BUB1B: variants seen among roughly 807,000 people sequenced by gnomAD.
BUB1B encodes mitotic checkpoint serine/threonine-protein kinase BUB1 beta.
Under a neutral mutation model 137.7 loss-of-function variants are expected in BUB1B, and 86 were observed. The observed-to-expected ratio is 0.62, with a 90% CI of 0.52 to 0.75. The LOEUF is 0.75. Among genes scored for constraint, BUB1B ranks in the 30% least tolerant of loss-of-function variants. The pLI is 0.00. For missense variants in BUB1B, 1,130 were observed against 1,236.9 expected (o/e 0.91, Z 1.30); for synonymous variants, 420 against 417.9 (o/e 1.00, Z -0.06).
intron 8 of BUB1B, among the ~76,000 whole-genome samples, chr15:40,189,949 G>A (rs11638942): frequency 0.71 from 108,468 of 152,128 alleles, 39,526 homozygotes; most frequent in African/African-American, 0.82. Flanking sequence ...GCATTTTCCT[G>A]GTGACTAATG....
At chr15:40,178,219 C>T (rs56012850) in intron 5 of BUB1B, among the ~76,000 whole-genome samples, 45 of 152,148 alleles carry the variant, frequency 3.0e-4, no homozygotes, top group Non-Finnish European at 4.7e-4. Context: ...AAATTCCCTT[C>T]TAAGCACTGC....
rs559316461 is a variant in BUB1B, at chr15:40,175,777, CT to C, written c.385-695del. ...CTTGATATTCAAGACCTATCACAGCCTTTTTCTCCAGACAACTATCTAGCCT... is the reference window on the plus strand; with the variant it reads ...CTTGATATTCAAGACCTATCACAGCCTTTTCTCCAGACAACTATCTAGCCT... On this transcript the variant is annotated intron_variant, in intron 4 of 22. Transcript: ENST00000287598. Among the ~76,000 whole-genome samples the C allele has an allele frequency of 2.6e-3, 401 of 152,270 alleles. 2 individuals are homozygous for C. The highest frequency in any genetic ancestry group is 9.0e-3 in the African/African-American group (374 of 41,554).
intron 4 of BUB1B, among the ~76,000 whole-genome samples, chr15:40,173,210 A>G (rs377562882): frequency 1.3e-5 from 2 of 150,980 alleles, no homozygotes; most frequent in South Asian, 2.1e-4. Flanking sequence ...GCTTGAACCC[A>G]GGAGACAGAG....
intron 9 of BUB1B, among the ~76,000 whole-genome samples, chr15:40,198,486 G>A (rs1395779783): frequency 6.6e-6 from 1 of 152,056 alleles, no homozygotes; most frequent in African/African-American, 2.4e-5. Context: ...AATAAATGTG[G>A]TTTCTAGTTA....
intron 4 of BUB1B, 143 bp from the exon 5 acceptor site, chr15:40,176,334 C>T: frequency 1.2e-6 from 1 of 802,004 alleles, no homozygotes; most frequent in East Asian, 2.7e-5. Flanking sequence ...TAGGTCCTCC[C>T]AGTATGGTCC....
intron 7 of BUB1B, 61 bp from the exon 8 acceptor site, chr15:40,185,490 C>A: frequency 6.3e-7 from 1 of 1,590,258 alleles, no homozygotes; most frequent in South Asian, 1.1e-5. Context: ...TAGCCATGGT[C>A]TATATATGCT....
rs548075145 is a variant in BUB1B at position 40,180,488 on chromosome 15, A to G, written c.582-3226A>G. ...ATCACATTGGCCAGGCTGGTCTCAA[A>G]CTCCTGACCTCAAATGGTCTGCCCA... On this transcript the variant is annotated intron_variant, in intron 5 of 22. Transcript: ENST00000287598. Among the ~76,000 whole-genome samples, 20 of 146,986 alleles carry G rather than the reference A, an allele frequency of 1.4e-4. No homozygotes were observed. The South Asian group carries it at 4.3e-3, about 32-fold the overall frequency.
chr15:40,185,564 C>T lies in BUB1B; in HGVS notation c.980C>T (p.Thr327Ile). 1.2e-6 allele frequency: 2 copies of T among 1,614,198 alleles called. No homozygotes were observed. The highest frequency in any genetic ancestry group is 1.1e-5 in the South Asian group (1 of 91,082). Residue 327 changes from threonine (T) to isoleucine (I), a missense_variant, in exon 8 of 23, where the codon ACA becomes ATA. Transcript: ENST00000287598. Reference protein sequence around the residue: ...RSLEHRPRGNTASLIAVPAVL... With the variant: ...RSLEHRPRGNIASLIAVPAVL... Reference sequence around the variant, plus strand: ...CTTCATCTCCAGCCTCGTGGCAATACAGCTTCACTGATAGCTGTACCCGCT... The same window carrying T: ...CTTCATCTCCAGCCTCGTGGCAATATAGCTTCACTGATAGCTGTACCCGCT...
intron 22 of BUB1B, 125 bp downstream of exon 22, chr15:40,218,687 C>G (rs1244409707): frequency 2.6e-6 from 2 of 755,132 alleles, no homozygotes; most frequent in African/African-American, 3.5e-5. Context: ...TAGTTTCAGC[C>G]AGTTTTCATT....
chr15:40,189,432 T>C (rs1300143300), intron 8 of BUB1B, among the ~76,000 whole-genome samples: 1 of 152,252 alleles, frequency 6.6e-6, no homozygotes, highest in Non-Finnish European at 1.5e-5. Context: ...ACCGCTGGGA[T>C]TATAGGCGTG....
chr15:40,187,678 G>C (rs981343020), intron 8 of BUB1B, among the ~76,000 whole-genome samples: 1 of 152,118 alleles, frequency 6.6e-6, no homozygotes. Flanking sequence ...GGAGGCTGAG[G>C]TGAAAGGATC....
intron 8 of BUB1B, among the ~76,000 whole-genome samples, chr15:40,187,886 G>T (rs1187392542): frequency 6.6e-6 from 1 of 152,166 alleles, no homozygotes; most frequent in African/African-American, 2.4e-5. Flanking sequence ...TGAGTACAGA[G>T]TGAGACCTTG....
chr15:40,176,639 G>T lies in BUB1B; in HGVS notation c.547G>T (p.Ala183Ser), dbSNP rs1442788795. 1.9e-6 allele frequency: 3 copies of T among 1,614,098 alleles called. 1 individual carries two copies. In the South Asian group the frequency reaches 3.3e-5, roughly 18 times the overall value. Reference sequence around the variant, plus strand: ...ATTTCAGGAAGGGATTCAACAGAAGGCTGAACCACTAGAAAGACTACAGTC... The same window carrying T: ...ATTTCAGGAAGGGATTCAACAGAAGTCTGAACCACTAGAAAGACTACAGTC... ...AIFQEGIQQK[A>S]EPLERLQSQH... The change falls in exon 5 of 23, where the codon GCT (alanine) becomes TCT (serine). Residue 183 changes from alanine to serine, a missense_variant. Ala to Ser is a moderately conservative substitution (Grantham distance 99). Coordinates refer to ENST00000287598, the MANE Select transcript of BUB1B (RefSeq NM_001211.6).
chr15:40,216,863 GGATA>G (rs1032739118), intron 20 of BUB1B, among the ~76,000 whole-genome samples: 52 of 151,614 alleles, frequency 3.4e-4, no homozygotes, highest in African/African-American at 1.2e-3. Flanking sequence ...TTATTGCATA[GGATA>G]GATAAACCCA....
intron 8 of BUB1B, among the ~76,000 whole-genome samples, chr15:40,188,770 C>T (rs1026911949): frequency 6.6e-6 from 1 of 151,662 alleles, no homozygotes; most frequent in African/African-American, 2.4e-5. Flanking sequence ...TTTAGTAGAG[C>T]CATGGTTTCA....
chr15:40,168,080 A>C (rs936086457), intron 2 of BUB1B, among the ~76,000 whole-genome samples: 3 of 152,046 alleles, frequency 2.0e-5, no homozygotes, highest in African/African-American at 7.2e-5. Flanking sequence ...GAAAAAAAAA[A>C]AAAAAGGCTG....
intron 2 of BUB1B, among the ~76,000 whole-genome samples, chr15:40,167,249 T>C (rs1195589770): frequency 1.3e-5 from 2 of 151,306 alleles, no homozygotes; most frequent in Non-Finnish European, 2.9e-5. Flanking sequence ...TCTTTTATGG[T>C]TAGCATTTTT....
rs376467292 is a variant in BUB1B, at chr15:40,220,753, T to C, written c.3147T>C (p.Phe1049=). Residue 1049 remains phenylalanine, a synonymous_variant, in exon 23 of 23, where the codon TTT becomes TTC. Transcript: ENST00000287598. ...TAACTAGTCCTGGGGCTTTGCTCTT[T>C]CAGTGAGCTAGGCAATCAAGTCTCA... ...GKLTSPGALL[F]Q 2.7e-5 allele frequency: 44 copies of C among 1,614,126 alleles called. No homozygotes were observed. The African/African-American group carries it at 5.9e-4, about 22-fold the overall frequency.
chr15:40,170,450 C>G lies in BUB1B; in HGVS notation c.240-87C>G, dbSNP rs1011091333. The G allele has an allele frequency of 1.3e-5, 20 of 1,483,424 alleles. No individual in the cohort carries two copies. The African/African-American group carries it at 2.8e-4, about 21-fold the overall frequency. The allele number at this position is 1,483,424 out of a possible 1,614,324, so 91.9% of individuals were successfully genotyped here. On this transcript the variant is annotated intron_variant, in intron 3 of 22. Transcript: ENST00000287598. Reference sequence around the variant, plus strand: ...ACCTCAAAAGAAACATACTTTACTTCTGCTAAAATCCAGAATGGGTCTTGG... The same window carrying G: ...ACCTCAAAAGAAACATACTTTACTTGTGCTAAAATCCAGAATGGGTCTTGG...
Sources: gnomAD v4.1 joint callset for allele counts (sites outside exome capture counted in the v4.1 genomes callset) on GRCh38, gnomAD v4.1.1 for gene constraint, MANE v1.5 for transcripts, NCBI Gene and HGNC (gene_info 2026-07-23, HGNC 2026-07-21) for gene names.